LRRC28: variants seen among roughly 807,000 people sequenced by gnomAD.
LRRC28 encodes leucine-rich repeat-containing protein 28.
A neutral mutation model predicts 45.7 loss-of-function variants in LRRC28; 39 were observed. The ratio of observed to expected loss-of-function variants is 0.85; its 90% CI spans 0.66 to 1.12. LRRC28 has a LOEUF of 1.12. Among genes scored for constraint, LRRC28 ranks in the 50% most tolerant of loss-of-function variants. LRRC28 has a pLI of 0.00. For missense variants in LRRC28, 435 were observed against 438.5 expected, an observed-to-expected ratio of 0.99 and a Z score of 0.07; for synonymous variants, 206 against 178.8, an observed-to-expected ratio of 1.15 and a Z score of -1.22.
At position 99,387,097 on chromosome 15, in the gene LRRC28, G is replaced by C. The variant is rs1006695041; in HGVS notation, c.*995G>C. 26 of 151,240 alleles carry C rather than the reference G, an allele frequency of 1.7e-4. No individual in the cohort carries two copies. Among genetic ancestry groups the C allele is most frequent in the East Asian group, 3.9e-4 (2 of 5,152 alleles). The allele number at this position is 151,240 out of a possible 1,614,324, so 9.4% of individuals were successfully genotyped here. On this transcript the variant is annotated 3_prime_UTR_variant, in exon 10 of 10. Transcript: ENST00000301981. Reference sequence around the variant, plus strand: ...TGTTGTTGAGACGGAGTCTCGCTCTGTCGCCCAGGCTGGAGTGCAGTGGCG... The same window carrying C: ...TGTTGTTGAGACGGAGTCTCGCTCTCTCGCCCAGGCTGGAGTGCAGTGGCG...
intron 6 of LRRC28, chr15:99,338,621 C>T (rs1026068447): frequency 2.6e-5 from 4 of 152,168 alleles, no homozygotes; most frequent in African/African-American, 7.2e-5. Context: ...AGGTGGGAAT[C>T]TTACTTTGGG....
At chr15:99,287,791 G>A in intron 4 of LRRC28, 23 bp from the exon 5 acceptor site, 2 of 1,578,960 alleles carry the variant, frequency 1.3e-6, no homozygotes, top group Non-Finnish European at 1.7e-6. Flanking sequence ...AATTCATTTT[G>A]CCTTCTCCTT....
intron 5 of LRRC28, among the ~76,000 whole-genome samples, chr15:99,291,639 CAT>C (rs1226345879): frequency 6.6e-6 from 1 of 152,208 alleles, no homozygotes; most frequent in African/African-American, 2.4e-5. Flanking sequence ...AGACTTGTCA[CAT>C]GTTATATTCT....
intron 6 of LRRC28, among the ~76,000 whole-genome samples, chr15:99,347,196 C>T (rs1281673799): frequency 2.0e-5 from 3 of 150,672 alleles, no homozygotes; most frequent in East Asian, 2.0e-4. Context: ...TCCTTGTGTA[C>T]GTGAGCTCCC....
chr15:99,288,961 T>C (rs2082037461), intron 5 of LRRC28, among the ~76,000 whole-genome samples: 1 of 152,230 alleles, frequency 6.6e-6, no homozygotes, highest in African/African-American at 2.4e-5. Flanking sequence ...ATTATAGGTG[T>C]GAGCCACCAT....
At chr15:99,343,686 C>T (rs773457882) in intron 6 of LRRC28, among the ~76,000 whole-genome samples, 1 of 152,016 alleles carries the variant, frequency 6.6e-6, no homozygotes, top group South Asian at 2.1e-4. Context: ...AATATTATTG[C>T]GTGATGTATC....
At chr15:99,297,222 C>T (rs1174495769) in intron 5 of LRRC28, 2 of 151,320 alleles carry the variant, frequency 1.3e-5, no homozygotes, top group Non-Finnish European at 2.9e-5. Context: ...GCCCTAAACT[C>T]GTATTCAGAA....
intron 5 of LRRC28, among the ~76,000 whole-genome samples, chr15:99,322,232 G>A (rs1177685556): frequency 6.6e-6 from 1 of 152,168 alleles, no homozygotes; most frequent in East Asian, 1.9e-4. Flanking sequence ...TTTTATTGAA[G>A]TGCAGCAGAA....
chr15:99,377,534 C>T (rs1386712036), intron 9 of LRRC28, among the ~76,000 whole-genome samples: 2 of 152,278 alleles, frequency 1.3e-5, no homozygotes, highest in African/African-American at 2.4e-5. Flanking sequence ...TGTGCAGAAG[C>T]TCTTTAGTTT....
chr15:99,324,632 T>C (rs1402493305), intron 5 of LRRC28, among the ~76,000 whole-genome samples: 1 of 152,214 alleles, frequency 6.6e-6, no homozygotes, highest in African/African-American at 2.4e-5. Flanking sequence ...CATAATGTTA[T>C]TTTTGTGCCT....
chr15:99,337,663 T>C (rs1196624746), intron 6 of LRRC28, among the ~76,000 whole-genome samples: 2 of 152,240 alleles, frequency 1.3e-5, no homozygotes, highest in African/African-American at 4.8e-5. Context: ...CAAAGAACTT[T>C]AGAGGCAAGA....
At position 99,324,750 on chromosome 15, in the gene LRRC28, A is replaced by T. The variant is rs529353981; in HGVS notation, c.386-9173A>T. Among the ~76,000 whole-genome samples, 6 of 152,356 alleles carry T rather than the reference A, an allele frequency of 3.9e-5. No individual in the cohort carries two copies. The South Asian group carries it at 1.0e-3, about 26-fold the overall frequency. ...TATTTAGCACAAAAGTAAACAATGC[A>T]AACAACTGTAAAGTTAGAGACACTA... On this transcript the variant is annotated intron_variant, in intron 5 of 9. Transcript: ENST00000301981.
intron 5 of LRRC28, among the ~76,000 whole-genome samples, chr15:99,313,336 G>A (rs984272842): frequency 1.3e-5 from 2 of 152,012 alleles, no homozygotes; most frequent in Non-Finnish European, 2.9e-5. Context: ...AATAAACAAC[G>A]CAATTATGTT....
intron 9 of LRRC28, among the ~76,000 whole-genome samples, chr15:99,377,151 A>G (rs1166722899): frequency 2.6e-5 from 4 of 151,908 alleles, no homozygotes; most frequent in South Asian, 2.1e-4. Context: ...ACTAGTTTAC[A>G]GTCCCACCAA....
chr15:99,286,751 G>C (rs1017171025), intron 3 of LRRC28: 2 of 152,208 alleles, frequency 1.3e-5, no homozygotes, highest in African/African-American at 4.8e-5. Flanking sequence ...TCTGTACCTC[G>C]ACAGTTGAGT....
intron 5 of LRRC28, among the ~76,000 whole-genome samples, chr15:99,297,035 G>A (rs2082281771): frequency 6.6e-6 from 1 of 151,920 alleles, no homozygotes; most frequent in East Asian, 1.9e-4. Context: ...AAAATAATTA[G>A]CCGGGTGTGG....
chr15:99,348,002 G>A (rs1382158641), intron 6 of LRRC28, among the ~76,000 whole-genome samples: 4 of 152,116 alleles, frequency 2.6e-5, no homozygotes, highest in Non-Finnish European at 4.4e-5. Flanking sequence ...TCTCATAGTG[G>A]TTTTAATTTG....
chr15:99,328,804 T>C (rs1956067041), intron 5 of LRRC28, among the ~76,000 whole-genome samples: 1 of 151,162 alleles, frequency 6.6e-6, no homozygotes, highest in African/African-American at 2.4e-5. Flanking sequence ...TTTGACATCC[T>C]TTGGGCTCCA....
intron 5 of LRRC28, among the ~76,000 whole-genome samples, chr15:99,313,463 C>T (rs1955486591): frequency 6.6e-6 from 1 of 151,980 alleles, no homozygotes; most frequent in African/African-American, 2.4e-5. Context: ...AAGCAGAAGG[C>T]ATTATTCTTT....
Sources: allele counts gnomAD v4.1 joint callset (sites outside exome capture counted in the v4.1 genomes callset), GRCh38; gene constraint gnomAD v4.1.1; transcripts MANE v1.5; gene names NCBI Gene and HGNC (gene_info 2026-07-23, HGNC 2026-07-21).